Variants in MAP9 observed in about 807,000 individuals in gnomAD.
MAP9 encodes microtubule associated protein 9.
A neutral mutation model predicts 75.2 loss-of-function variants in MAP9; 80 were observed. The observed-to-expected ratio is 1.06, with a 90% CI of 0.89 to 1.28. The LOEUF is 1.28. Among genes scored for constraint, MAP9 ranks in the 50% most tolerant of loss-of-function variants. The probability of loss-of-function intolerance (pLI) is 0.00; values close to 1 mark genes in which losing one functional copy is unlikely to be tolerated. For missense variants in MAP9, 753 were observed against 719.9 expected (o/e 1.05, Z -0.53); for synonymous variants, 235 against 237.3 (o/e 0.99, Z 0.09).
intron 5 of MAP9, chr4:155,363,206 A>G (rs1732168955): frequency 1.3e-5 from 2 of 152,206 alleles, no homozygotes; most frequent in South Asian, 4.1e-4. Flanking sequence ...GAAACTGAAA[A>G]GAATTAAGCA....
intron 3 of MAP9, 27 bp downstream of exon 3, chr4:155,374,910 G>T (rs764824129): frequency 1.4e-5 from 20 of 1,437,890 alleles, no homozygotes; most frequent in African/African-American, 1.4e-5. Flanking sequence ...GAAGAAAAGT[G>T]GTTCACGTTT....
In MAP9 at chr4:155,374,957, T is replaced by C; in HGVS notation, c.140A>G (p.Asp47Gly). The C allele has an allele frequency of 6.3e-7, 1 of 1,589,434 alleles. No individual in the cohort carries two copies. Among genetic ancestry groups the C allele is most frequent in the Non-Finnish European group, 8.6e-7 (1 of 1,161,184 alleles). ...ARQRSSEYSD[D>G]FDSDEIVSLG... ...CATACCAATCTCATCACTGTCAAAG[T>C]CATCTGAGTATTCAGAACTCCTTTG... is the stretch of plus-strand genomic sequence containing the variant. The change falls in exon 3 of 14, where the codon GAC (aspartate) becomes GGC (glycine). Residue 47 changes from aspartate to glycine, a missense_variant. By Grantham distance (94) the Asp-to-Gly change is moderately conservative. Coordinates refer to ENST00000311277, the MANE Select transcript of MAP9 (RefSeq NM_001039580.2).
At chr4:155,353,959 ATTG>A (rs912918180) in intron 10 of MAP9, among the ~76,000 whole-genome samples, 1 of 152,156 alleles carries the variant, frequency 6.6e-6, no homozygotes, top group Middle Eastern at 3.2e-3. Flanking sequence ...TGTTTGCTTT[ATTG>A]TTCAATATTA....
At chr4:155,360,026 C>T (rs1731996603) in intron 7 of MAP9, 142 bp downstream of exon 7, 3 of 743,476 alleles carry the variant, frequency 4.0e-6, no homozygotes, top group Admixed American at 3.0e-5. Flanking sequence ...TAAGTAAGAA[C>T]CATGTGACAA....
At chr4:155,350,668 T>C (rs895364372) in intron 13 of MAP9, among the ~76,000 whole-genome samples, 18 of 152,026 alleles carry the variant, frequency 1.2e-4, no homozygotes, top group African/African-American at 4.3e-4. Flanking sequence ...TCATTCAAAA[T>C]TGAACCAATT....
At chr4:155,375,183 C>G (rs879911761) in intron 2 of MAP9, among the ~76,000 whole-genome samples, 162 bp from the exon 3 acceptor site, 1 of 152,192 alleles carries the variant, frequency 6.6e-6, no homozygotes, top group East Asian at 1.9e-4. Flanking sequence ...CATGTACCCA[C>G]TTTACGCCTC....
rs551329946 is a variant in MAP9, at chr4:155,342,755, AAG to A, written c.*5026_*5027del. On this transcript the variant is annotated 3_prime_UTR_variant, in exon 14 of 14. Coordinates refer to ENST00000311277, the MANE Select transcript of MAP9 (RefSeq NM_001039580.2). ...TTTAATCTTGCACACGCACTGCAGC[AAG>A]GTTAATCCTGTATGTGAAAACCTCT... 1 of 152,050 alleles carries A rather than the reference AAG, an allele frequency of 6.6e-6. No individual in the cohort carries two copies. Among genetic ancestry groups the A allele is most frequent in the Non-Finnish European group, 1.5e-5 (1 of 67,962 alleles). The allele number at this position is 152,050 out of a possible 1,614,324, so 9.4% of individuals were successfully genotyped here. A position where few individuals can be genotyped will look rare whatever the true frequency, so the allele number is the denominator to read the frequency against.
rs560463233 is a variant in MAP9 at position 155,345,349 on chromosome 4, A to T, written c.*2434T>A. ...AATGACTTGTTGGGTCTATGCAAACACCTCATCCTACCTCAGAAGCAATCC... is the reference window on the plus strand; with the variant it reads ...AATGACTTGTTGGGTCTATGCAAACTCCTCATCCTACCTCAGAAGCAATCC... On this transcript the variant is annotated 3_prime_UTR_variant, in exon 14 of 14. Transcript: ENST00000311277. The T allele has an allele frequency of 2.0e-5, 3 of 152,180 alleles. No homozygotes were observed. Among genetic ancestry groups the T allele is most frequent in the Admixed American group, 2.0e-4 (3 of 15,268 alleles). The allele number at this position is 152,180 out of a possible 1,614,324, so 9.4% of individuals were successfully genotyped here.
chr4:155,371,716 GT>G lies in MAP9; in HGVS notation c.481+1419del, dbSNP rs1233164858. Among the ~76,000 whole-genome samples, 450 of 139,416 alleles carry G rather than the reference GT, an allele frequency of 3.2e-3. 1 individual carries two copies. The highest frequency in any genetic ancestry group is 6.8e-3 in the African/African-American group (259 of 38,254). 91.5% of individuals were successfully genotyped at this position (139,416 alleles called of 152,430 possible). ...TCTTATTCATTGTAACCCACCACAG[GT>G]TTTTTTTTTTTTTAAGGTATGAAAT... is the stretch of plus-strand genomic sequence containing the variant. On this transcript the variant is annotated intron_variant, in intron 4 of 13. Transcript: ENST00000311277.
Position 155,376,895 on chromosome 4 carries a change from C to A in MAP9, c.-189G>T, listed in dbSNP as rs1732875625. On this transcript the variant is annotated 5_prime_UTR_variant, in exon 1 of 14. Transcript: ENST00000311277. ...CTTCGGGAGGAAGTGACTTCCCCAC[C>A]GCCGGGTCTCTCGGGTACCCAACAC... 1 of 152,682 alleles carries A rather than the reference C, an allele frequency of 6.5e-6. No individual in the cohort carries two copies. Among genetic ancestry groups the A allele is most frequent in the African/African-American group, 2.4e-5 (1 of 41,430 alleles). The allele number at this position is 152,682 out of a possible 1,614,324, so 9.5% of individuals were successfully genotyped here.
In MAP9 at chr4:155,346,565, G is replaced by A. The variant is rs1560798743; in HGVS notation, c.*1218C>T. The A allele has an allele frequency of 6.6e-6, 1 of 152,132 alleles. No individual in the cohort carries two copies. The highest frequency in any genetic ancestry group is 1.5e-5 in the Non-Finnish European group (1 of 68,014). 9.4% of individuals were successfully genotyped at this position (152,132 alleles called of 1,614,324 possible). On this transcript the variant is annotated 3_prime_UTR_variant, in exon 14 of 14. Coordinates refer to ENST00000311277, the MANE Select transcript of MAP9 (RefSeq NM_001039580.2). Reference sequence around the variant, plus strand: ...CAGGCACACTCCAGATGGACGGTAAGTTACTTGGTTTATCTGAGCGCCAGT... The same window carrying A: ...CAGGCACACTCCAGATGGACGGTAAATTACTTGGTTTATCTGAGCGCCAGT...
intron 13 of MAP9, chr4:155,352,312 G>T: frequency 3.7e-6 from 1 of 272,804 alleles, no homozygotes. Context: ...CACAGCAAAG[G>T]AAGAATGGGC....
intron 13 of MAP9, 106 bp downstream of exon 13, chr4:155,352,490 G>T: frequency 9.1e-7 from 1 of 1,104,056 alleles, no homozygotes; most frequent in Non-Finnish European, 1.3e-6. Context: ...CAGATTCCAG[G>T]TAGAAATGAT....
In MAP9 at chr4:155,355,892, G is replaced by T; in HGVS notation, c.1122-8C>A. On this transcript the variant is annotated splice_polypyrimidine_tract_variant and splice_region_variant and intron_variant, in intron 8 of 13. Coordinates refer to ENST00000311277, the MANE Select transcript of MAP9 (RefSeq NM_001039580.2). ...AACTCAGAGGTCATTAATCTGAAAA[G>T]ATCCAAATGAATCAAGACAAAATAT... 6.2e-7 allele frequency: 1 copy of T among 1,604,960 alleles called. No homozygotes were observed. Among genetic ancestry groups the T allele is most frequent in the Non-Finnish European group, 8.5e-7 (1 of 1,174,250 alleles).
intron 13 of MAP9, chr4:155,352,301 T>C (rs1370873885): frequency 2.6e-5 from 7 of 265,874 alleles, no homozygotes; most frequent in Non-Finnish European, 4.3e-5. Flanking sequence ...GATGTGAGAA[T>C]CACAGCAAAG....
rs934810298 is a variant in MAP9 at position 155,345,577 on chromosome 4, C to T, written c.*2206G>A. 1.3e-5 allele frequency: 2 copies of T among 152,002 alleles called. No individual in the cohort carries two copies. The highest frequency in any genetic ancestry group is 4.8e-5 in the African/African-American group (2 of 41,402). The allele number at this position is 152,002 out of a possible 1,614,324, so 9.4% of individuals were successfully genotyped here. A position where few individuals can be genotyped will look rare whatever the true frequency, so the allele number is the denominator to read the frequency against. On this transcript the variant is annotated 3_prime_UTR_variant, in exon 14 of 14. Coordinates refer to ENST00000311277, the MANE Select transcript of MAP9 (RefSeq NM_001039580.2). ...CCCTATCTATGTTAATGTTCGCACA[C>T]TCATGAATGGGGAAATGTAGGGCTC...
In MAP9 at chr4:155,368,651, G is replaced by T. The variant is rs61753569; in HGVS notation, c.643C>A (p.Pro215Thr). 11,253 of 1,614,106 alleles carry T rather than the reference G, an allele frequency of 7.0e-3. 500 individuals are homozygous for T. The African/African-American group carries it at 0.11, about 16-fold the overall frequency. ...TCTAATTGTATGCCATTCGGCGTTG[G>T]AAGGGAAGAAGGTGCAGAATGTAAC... ...LELHSAPSSL[P>T]TPNGIQLEAE... Residue 215 changes from proline (P) to threonine (T), a missense_variant, in exon 5 of 14, where the codon CCA (proline) becomes ACA (threonine). Transcript: ENST00000311277.
intron 3 of MAP9, among the ~76,000 whole-genome samples, chr4:155,374,069 G>C (rs1318450450): frequency 6.6e-6 from 1 of 152,074 alleles, no homozygotes; most frequent in Non-Finnish European, 1.5e-5. Flanking sequence ...GGCCGGGTGC[G>C]GTGGCTCACA....
At chr4:155,364,344 T>G (rs1203056511) in intron 5 of MAP9, among the ~76,000 whole-genome samples, 1 of 151,516 alleles carries the variant, frequency 6.6e-6, no homozygotes, top group Non-Finnish European at 1.5e-5. Context: ...TAAAATAAGT[T>G]TGTAAGACTG....
Sources: gnomAD v4.1 joint callset for allele counts (sites outside exome capture counted in the v4.1 genomes callset) on GRCh38, gnomAD v4.1.1 for gene constraint, MANE v1.5 for transcripts, NCBI Gene and HGNC (gene_info 2026-07-23, HGNC 2026-07-21) for gene names.